Variants in USP6NL observed in about 807,000 individuals in gnomAD.
USP6NL encodes the protein USP6 N-terminal-like protein.
In USP6NL, 26 loss-of-function variants were observed where a neutral mutation model predicts 61.9. That is an observed-to-expected ratio of 0.42 (90% CI 0.31 to 0.58). USP6NL has a LOEUF of 0.58. USP6NL is among the 20% of genes least tolerant of loss of function. The pLI, the probability that USP6NL is intolerant of heterozygous loss-of-function variation, is 0.16. For missense variants in USP6NL, 1,114 were observed against 1,034.3 expected (o/e 1.08, Z -1.06); for synonymous variants, 432 against 390.1 (o/e 1.11, Z -1.27).
chr10:11,609,040 A>G (rs1838793790), intron 1 of USP6NL, among the ~76,000 whole-genome samples: 1 of 151,622 alleles, frequency 6.6e-6, no homozygotes, highest in African/African-American at 2.4e-5. Flanking sequence ...CATATCTGAC[A>G]ATGGACTATG....
At position 11,470,383 on chromosome 10, in the gene USP6NL, G is replaced by T. The variant is rs557776749; in HGVS notation, c.1079-6534C>A. ...CATGCCAGGATCTGGCCTCTACTATGATGAAGAGGAAAATCTCCTTGACTT... is the reference window on the plus strand; with the variant it reads ...CATGCCAGGATCTGGCCTCTACTATTATGAAGAGGAAAATCTCCTTGACTT... On this transcript the variant is annotated intron_variant, in intron 14 of 14. Coordinates refer to ENST00000609104, the MANE Select transcript of USP6NL (RefSeq NM_014688.5). The surrounding 1 kb of genome is among the most constrained non-coding windows in gnomAD (Gnocchi z 5.4). 4.6e-5 allele frequency among the ~76,000 whole-genome samples: 7 copies of T among 152,328 alleles called. No individual in the cohort carries two copies. In the East Asian group the frequency reaches 1.2e-3, roughly 25 times the overall value.
rs1246671571 is a variant in USP6NL at position 11,489,992 on chromosome 10, T to C, written c.544-770A>G. On this transcript the variant is annotated intron_variant, in intron 9 of 14. Coordinates refer to ENST00000609104, the MANE Select transcript of USP6NL (RefSeq NM_014688.5). This position sits in a 1 kb window ranked among gnomAD's most constrained non-coding sequence, Gnocchi z 5.7. ...TGAACTGAACAGTTCACAGAGATCA[T>C]CTGAGATACTGAGTGGCCCCCAGAA... Among the ~76,000 whole-genome samples the C allele has an allele frequency of 6.6e-6, 1 of 152,148 alleles. No individual in the cohort carries two copies. Among genetic ancestry groups the C allele is most frequent in the Non-Finnish European group, 1.5e-5 (1 of 68,026 alleles).
intron 2 of USP6NL, among the ~76,000 whole-genome samples, chr10:11,580,095 T>A (rs952716139): frequency 6.7e-6 from 1 of 149,772 alleles, no homozygotes; most frequent in Admixed American, 6.6e-5. Flanking sequence ...TCCACGAGAA[T>A]TATCTAGCCC....
chr10:11,523,346 G>A (rs911615031), intron 4 of USP6NL, among the ~76,000 whole-genome samples: 11 of 152,154 alleles, frequency 7.2e-5, no homozygotes, highest in African/African-American at 2.2e-4. Context: ...TCACAAGTGT[G>A]GAAAAATCAC....
Position 11,575,142 on chromosome 10 carries a change from G to GTT in USP6NL, c.4+22488_4+22489insAA, listed in dbSNP as rs1305000021. 6.6e-6 allele frequency among the ~76,000 whole-genome samples: 1 copy of GTT among 152,146 alleles called. No homozygotes were observed. Among genetic ancestry groups the GTT allele is most frequent in the South Asian group, 2.1e-4 (1 of 4,822 alleles). ...GTTCGTACTCACAAACTAAATCAAA[G>GTT]TAAGAGTTCAGATGGGTCAAAGACT... On this transcript the variant is annotated intron_variant, in intron 2 of 14. Transcript: ENST00000609104. The surrounding 1 kb of genome is among the most constrained non-coding windows in gnomAD (Gnocchi z 4.2).
intron 2 of USP6NL, among the ~76,000 whole-genome samples, chr10:11,545,672 C>T (rs955469783): frequency 1.3e-5 from 2 of 151,456 alleles, no homozygotes; most frequent in Non-Finnish European, 3.0e-5. Context: ...GAGAACCTGC[C>T]TCAGTAGGCC....
rs770399268 is a variant in USP6NL at position 11,462,949 on chromosome 10, G to C, written c.1979C>G (p.Pro660Arg). The C allele has an allele frequency of 1.2e-6, 2 of 1,613,768 alleles. No individual in the cohort carries two copies. Among genetic ancestry groups the C allele is most frequent in the East Asian group, 2.2e-5 (1 of 44,872 alleles). The change falls in exon 15 of 15, where the codon CCT becomes CGT. Residue 660 changes from proline to arginine, a missense_variant. Physicochemically the swap from Pro to Arg is moderately radical, Grantham distance 103. Transcript: ENST00000609104. Reference protein sequence around the residue: ...NSSFASPQFSPGTQLNPSRRP... With the variant: ...NSSFASPQFSRGTQLNPSRRP... ...CCTGGAAGGATTCAGTTGAGTCCCAGGGCTAAACTGTGGAGAAGCAAAGCT... is the reference window on the plus strand; with the variant it reads ...CCTGGAAGGATTCAGTTGAGTCCCACGGCTAAACTGTGGAGAAGCAAAGCT...
At chr10:11,529,209 A>C (rs1476292225) in intron 2 of USP6NL, among the ~76,000 whole-genome samples, 3 of 152,256 alleles carry the variant, frequency 2.0e-5, no homozygotes, top group African/African-American at 7.2e-5. Flanking sequence ...TAGTAACTAA[A>C]GAAATCCAAG....
rs1200035762 is a variant in USP6NL at position 11,495,715 on chromosome 10, AAT to A, written c.385-2489_385-2488del. On this transcript the variant is annotated intron_variant, in intron 7 of 14. Coordinates refer to ENST00000609104, the MANE Select transcript of USP6NL (RefSeq NM_014688.5). The surrounding 1 kb of genome is among the most constrained non-coding windows in gnomAD (Gnocchi z 4.6). ...TCTATTTTTCTCTGAAGATATTAAA[AAT>A]AGTTTTTTAGATTCTCTTCTTTACA... is the stretch of plus-strand genomic sequence containing the variant. 6.6e-6 allele frequency among the ~76,000 whole-genome samples: 1 copy of A among 152,208 alleles called. No individual in the cohort carries two copies. Among genetic ancestry groups the A allele is most frequent in the Non-Finnish European group, 1.5e-5 (1 of 68,036 alleles).
rs1339401431 is a variant in USP6NL at position 11,461,984 on chromosome 10, T to C, written c.*457A>G. ...TAAAAGTAGTTTTTTAAAAAACGTT[T>C]CTTTAGCTCTGTGTTCAAATGTGGA... On this transcript the variant is annotated 3_prime_UTR_variant, in exon 15 of 15. Coordinates refer to ENST00000609104, the MANE Select transcript of USP6NL (RefSeq NM_014688.5). 1.9e-5 allele frequency: 3 copies of C among 154,094 alleles called. No individual in the cohort carries two copies. Among genetic ancestry groups the C allele is most frequent in the East Asian group, 3.8e-4 (2 of 5,208 alleles). The allele number at this position is 154,094 out of a possible 1,614,324, so 9.5% of individuals were successfully genotyped here.
At chr10:11,508,765 G>A (rs1367210370) in intron 6 of USP6NL, among the ~76,000 whole-genome samples, 1 of 152,204 alleles carries the variant, frequency 6.6e-6, no homozygotes, top group Non-Finnish European at 1.5e-5. Context: ...AAAGTGCTTA[G>A]GATGAAATTC....
intron 1 of USP6NL, among the ~76,000 whole-genome samples, chr10:11,610,659 A>G (rs952979359): frequency 6.6e-5 from 10 of 151,178 alleles, no homozygotes; most frequent in Admixed American, 6.6e-5. Context: ...ACTATTTCCA[A>G]TCACTGGGTA....
rs900485852 is a variant in USP6NL at position 11,487,111 on chromosome 10, T to C, written c.665-1200A>G. Among the ~76,000 whole-genome samples, 1 of 152,014 alleles carries C rather than the reference T, an allele frequency of 6.6e-6. No individual in the cohort carries two copies. The highest frequency in any genetic ancestry group is 1.5e-5 in the Non-Finnish European group (1 of 67,992). ...TAGTCAATTTGATAGGAATGGAAGT[T>C]GAAAAATTTTCAAGAAAAGTCTAAT... On this transcript the variant is annotated intron_variant, in intron 10 of 14. Transcript: ENST00000609104. This position sits in a 1 kb window ranked among gnomAD's most constrained non-coding sequence, Gnocchi z 4.2.
chr10:11,607,071 G>C (rs1391872326), intron 1 of USP6NL, among the ~76,000 whole-genome samples: 2 of 152,146 alleles, frequency 1.3e-5, no homozygotes, highest in Non-Finnish European at 2.9e-5. Flanking sequence ...TTATAGGAGT[G>C]AGCTATCACA....
At chr10:11,543,814 T>TTG (rs1390753643) in intron 2 of USP6NL, among the ~76,000 whole-genome samples, 1 of 126,862 alleles carries the variant, frequency 7.9e-6, no homozygotes, top group East Asian at 2.4e-4. Context: ...TTTTTTTTTT[T>TTG]TTTTTTTTTT....
At chr10:11,541,225 A>T (rs1836038478) in intron 2 of USP6NL, among the ~76,000 whole-genome samples, 1 of 128,850 alleles carries the variant, frequency 7.8e-6, no homozygotes, top group Admixed American at 8.7e-5. Flanking sequence ...AAACATCAAT[A>T]GTGCCATATA....
intron 14 of USP6NL, among the ~76,000 whole-genome samples, chr10:11,464,837 T>C (rs1023947615): frequency 1.3e-5 from 2 of 152,236 alleles, no homozygotes; most frequent in African/African-American, 4.8e-5. Flanking sequence ...ATGCTTGTAA[T>C]TCAGAAAAGT....
In USP6NL at chr10:11,490,691, G is replaced by T; in HGVS notation, c.543+141C>A. 2.4e-6 allele frequency: 2 copies of T among 830,916 alleles called. No individual in the cohort carries two copies. Among genetic ancestry groups the T allele is most frequent in the Non-Finnish European group, 3.8e-6 (2 of 532,712 alleles). 51.5% of individuals were successfully genotyped at this position (830,916 alleles called of 1,614,324 possible). A position where few individuals can be genotyped will look rare whatever the true frequency, so the allele number is the denominator to read the frequency against. On this transcript the variant is annotated intron_variant, in intron 9 of 14. Transcript: ENST00000609104. This position sits in a 1 kb window ranked among gnomAD's most constrained non-coding sequence, Gnocchi z 4.5. ...GCCCTAGGGTTATCACAGGGTTTCA[G>T]CTTAAAAAGATCCACAGAGCTAAAG...
chr10:11,473,663 TCTCATTA>T (rs576030686), intron 14 of USP6NL, among the ~76,000 whole-genome samples: 103 of 152,200 alleles, frequency 6.8e-4, no homozygotes, highest in African/African-American at 2.4e-3. Flanking sequence ...CTGACAGAAC[TCTCATTA>T]CCAACTGTCT....
Sources: allele counts gnomAD v4.1 joint callset (sites outside exome capture counted in the v4.1 genomes callset), GRCh38; gene constraint gnomAD v4.1.1; non-coding constraint Gnocchi (gnomAD v3.1); transcripts MANE v1.5; gene names NCBI Gene and HGNC (gene_info 2026-07-23, HGNC 2026-07-21).